Variants in ARRDC5 observed in about 807,000 individuals in gnomAD.
ARRDC5 encodes the protein arrestin domain containing 5.
In ARRDC5, 12 loss-of-function variants were observed where a neutral mutation model predicts 13.3. The ratio of observed to expected loss-of-function variants is 0.90; its 90% confidence interval spans 0.58 to 1.46. The LOEUF is 1.46. Ranked by LOEUF, ARRDC5 falls within the 40% of genes most tolerant of loss-of-function variation. The pLI, the probability that ARRDC5 is intolerant of heterozygous loss-of-function variation, is 0.00. For missense variants in ARRDC5, 406 were observed against 418.7 expected (o/e 0.97, Z 0.26); for synonymous variants, 181 against 173.4 (o/e 1.04, Z -0.34).
In ARRDC5 at chr19:4,891,269, C is replaced by T; in HGVS notation, c.764G>A (p.Ser255Asn). The T allele has an allele frequency of 1.2e-6, 2 of 1,613,950 alleles. No individual in the cohort carries two copies. Among genetic ancestry groups the T allele is most frequent in the South Asian group, 2.2e-5 (2 of 91,080 alleles). The change falls in exon 3 of 3, where the codon AGC becomes AAC. Residue 255 changes from serine (S) to asparagine (N), a missense_variant. Physicochemically the swap from Ser to Asn is conservative, Grantham distance 46. Transcript: ENST00000650722. Reference sequence around the variant, plus strand: ...CAGCAGCAACGGCAGGTTGAAGGTGCTGACAACCTTGGTGGTGTTGAAGCG... The same window carrying T: ...CAGCAGCAACGGCAGGTTGAAGGTGTTGACAACCTTGGTGGTGTTGAAGCG... ...VTRFNTTKVV[S>N]TFNLPLLLSV...
chr19:4,902,660 C>G lies in ARRDC5; in HGVS notation c.166G>C (p.Ala56Pro). ...GRGYVEWSEE[A>P]GASCDYSRNV... ...CTGCTATAATCACAGGATGCCCCGG[C>G]TTCTTCACTCCATTCGACGTAACCC... Residue 56 changes from alanine to proline, a missense_variant, in exon 1 of 3, where the codon GCC (alanine) becomes CCC (proline). Physicochemically the swap from Ala to Pro is conservative, Grantham distance 27 (BLOSUM62 -1). Coordinates refer to ENST00000650722, the MANE Select transcript of ARRDC5 (RefSeq NM_001080523.3). 5 of 1,614,014 alleles carry G rather than the reference C, an allele frequency of 3.1e-6. No homozygotes were observed. The highest frequency in any genetic ancestry group is 4.2e-6 in the Non-Finnish European group (5 of 1,179,886).
intron 1 of ARRDC5, among the ~76,000 whole-genome samples, chr19:4,902,221 A>G (rs1163466384): frequency 1.3e-5 from 2 of 152,050 alleles, no homozygotes; most frequent in African/African-American, 4.8e-5. Flanking sequence ...TGAATGCAGG[A>G]CTGCCTACTT....
At chr19:4,916,261 G>A in the ARRDC5 span, among the ~76,000 whole-genome samples, 1,154 of 151,072 alleles carry the variant, frequency 7.6e-3, 10 homozygotes, top group African/African-American at 0.027. Context: ...AACCAAGATT[G>A]TACCACTGCA....
chr19:4,904,633 C>A (rs2032027977), upstream of ARRDC5, among the ~76,000 whole-genome samples: 1 of 152,166 alleles, frequency 6.6e-6, no homozygotes, highest in Non-Finnish European at 1.5e-5. Flanking sequence ...TCTCTTTATG[C>A]CTGCATCTCC....
At chr19:4,901,437 A>C (rs2031910109) in intron 1 of ARRDC5, among the ~76,000 whole-genome samples, 1 of 152,036 alleles carries the variant, frequency 6.6e-6, no homozygotes. Flanking sequence ...AACGTGGTGA[A>C]ACCCTGCCTC....
intron 1 of ARRDC5, among the ~76,000 whole-genome samples, chr19:4,899,675 A>T (rs898690320): frequency 6.8e-6 from 1 of 146,256 alleles, no homozygotes; most frequent in Non-Finnish European, 1.5e-5. Flanking sequence ...CACGCCTGTA[A>T]TCCCAGCACT....
At chr19:4,909,173 G>T in the ARRDC5 span, 1 of 378,994 alleles carries the variant, frequency 2.6e-6, no homozygotes, top group South Asian at 4.1e-5. Context: ...CGTGCGAGTG[G>T]GGGGCTGCGA....
At chr19:4,913,469 G>T in the ARRDC5 span, among the ~76,000 whole-genome samples, 1 of 151,962 alleles carries the variant, frequency 6.6e-6, no homozygotes, top group African/African-American at 2.4e-5. Flanking sequence ...TGGCCAGGCT[G>T]GTCTTGAACT....
chr19:4,899,844 C>T (rs552824977), intron 1 of ARRDC5, among the ~76,000 whole-genome samples: 23 of 149,668 alleles, frequency 1.5e-4, no homozygotes, highest in African/African-American at 5.1e-4. Context: ...GAGGCTGAGG[C>T]AGGAGAATGG....
At chr19:4,902,922 A>C (rs965106883), upstream of ARRDC5, 5 of 1,580,222 alleles carry the variant, frequency 3.2e-6, no homozygotes, top group Non-Finnish European at 4.3e-6. Flanking sequence ...CTATGACATC[A>C]CTCAGCTCAG....
In ARRDC5 at chr19:4,891,593, C is replaced by G. The variant is rs895493019; in HGVS notation, c.460-20G>C. The G allele has an allele frequency of 6.3e-7, 1 of 1,595,334 alleles. No homozygotes were observed. Among genetic ancestry groups the G allele is most frequent in the African/African-American group, 1.3e-5 (1 of 74,550 alleles). ...GGGGTTCTAGGAGGATGTGGGGGAA[C>G]AGACAACCGTGAGGGACCAGGACCA... On this transcript the variant is annotated intron_variant, in intron 2 of 2. Transcript: ENST00000650722.
At position 4,902,596 on chromosome 19, in the gene ARRDC5, T is replaced by A; in HGVS notation, c.230A>T (p.Lys77Met). 6.2e-7 allele frequency: 1 copy of A among 1,614,022 alleles called. No individual in the cohort carries two copies. The highest frequency in any genetic ancestry group is 2.2e-5 in the East Asian group (1 of 44,886). ...ACCCTCCACTGGGAATGTCTTTGTC[T>A]TATGCACGTAGTCTGCCTTGTTGTT... Reference protein sequence around the residue: ...ICNNKADYVHKTKTFPVEDNW... With the variant: ...ICNNKADYVHMTKTFPVEDNW... The change falls in exon 1 of 3, where the codon AAG becomes ATG. Residue 77 changes from lysine to methionine, a missense_variant. Lys to Met is a moderately conservative substitution (Grantham distance 95). Coordinates refer to ENST00000650722, the MANE Select transcript of ARRDC5 (RefSeq NM_001080523.3).
chr19:4,904,080 G>A (rs573095842), upstream of ARRDC5, among the ~76,000 whole-genome samples: 2 of 151,500 alleles, frequency 1.3e-5, no homozygotes, highest in African/African-American at 2.4e-5. Flanking sequence ...GGGTTCAAGC[G>A]ATTCTCCTGC....
chr19:4,909,328 C>A, the ARRDC5 span: 1 of 578,198 alleles, frequency 1.7e-6, no homozygotes, highest in Non-Finnish European at 3.0e-6. Context: ...CAGGGCTGGG[C>A]GGAGCCGTGG....
chr19:4,896,104 C>T (rs992579125), intron 2 of ARRDC5, among the ~76,000 whole-genome samples: 1 of 152,010 alleles, frequency 6.6e-6, no homozygotes, highest in African/African-American at 2.4e-5. Context: ...CACCTGAGGT[C>T]GGGAGTTTGA....
upstream of ARRDC5, among the ~76,000 whole-genome samples, chr19:4,905,179 T>C (rs1423022847): frequency 1.4e-5 from 2 of 144,014 alleles, no homozygotes; most frequent in African/African-American, 2.6e-5. Flanking sequence ...TGCAGTGGTG[T>C]GATCTCGGCT....
chr19:4,904,501 G>A (rs545345646), upstream of ARRDC5, among the ~76,000 whole-genome samples: 1 of 152,086 alleles, frequency 6.6e-6, no homozygotes, highest in African/African-American at 2.4e-5. Context: ...TTTTAGTAGA[G>A]ACAGGGTTTC....
intron 2 of ARRDC5, 23 bp from the exon 3 acceptor site, chr19:4,891,596 A>G: frequency 6.3e-7 from 1 of 1,592,708 alleles, no homozygotes; most frequent in Non-Finnish European, 8.6e-7. Context: ...GGGGGAACAG[A>G]CAACCGTGAG....
chr19:4,899,717 C>A (rs1209865291), intron 1 of ARRDC5, among the ~76,000 whole-genome samples: 1 of 130,674 alleles, frequency 7.7e-6, no homozygotes, highest in Non-Finnish European at 1.5e-5. Context: ...ATCATGAGGT[C>A]AGGAGATCGA....
Sources: allele counts gnomAD v4.1 joint callset (sites outside exome capture counted in the v4.1 genomes callset), GRCh38; gene constraint gnomAD v4.1.1; transcripts MANE v1.5; gene names NCBI Gene and HGNC (gene_info 2026-07-23, HGNC 2026-07-21).